Variants in SH3PXD2B observed in about 807,000 individuals in gnomAD.
SH3PXD2B encodes SH3 and PX domain-containing protein 2B.
Under a neutral mutation model 73.1 loss-of-function variants are expected in SH3PXD2B, and 37 were observed. That is an observed-to-expected ratio of 0.51 (90% CI 0.39 to 0.67). The LOEUF (loss-of-function observed/expected upper bound fraction) is 0.67. SH3PXD2B is among the 30% of genes least tolerant of loss of function. SH3PXD2B has a pLI of 0.00. For missense variants in SH3PXD2B, 1,053 were observed against 1,197.8 expected, an observed-to-expected ratio of 0.88 and a Z score of 1.78; for synonymous variants, 457 against 480.5, an observed-to-expected ratio of 0.95 and a Z score of 0.64.
chr5:172,325,420 C>T (rs1181778013), intron 12 of SH3PXD2B: 4 of 1,417,506 alleles, frequency 2.8e-6, no homozygotes, highest in South Asian at 2.5e-5. Flanking sequence ...AATCTTCAGT[C>T]CTTTCCAAAC....
chr5:172,367,443 G>A (rs1757555839), intron 6 of SH3PXD2B, among the ~76,000 whole-genome samples: 1 of 147,508 alleles, frequency 6.8e-6, no homozygotes, highest in African/African-American at 2.5e-5. Context: ...GCCCGGACTG[G>A]TCTTGAACTC....
At chr5:172,402,557 A>G (rs554229110) in intron 3 of SH3PXD2B, among the ~76,000 whole-genome samples, 83 of 152,238 alleles carry the variant, frequency 5.5e-4, no homozygotes, top group African/African-American at 1.9e-3. Flanking sequence ...TGTCTCCCCC[A>G]GACACCAGCT....
intron 7 of SH3PXD2B, among the ~76,000 whole-genome samples, chr5:172,360,880 CTGTTTCA>C (rs1490562843): frequency 1.3e-5 from 2 of 152,148 alleles, no homozygotes; most frequent in Non-Finnish European, 2.9e-5. Context: ...TAGGGTCCAG[CTGTTTCA>C]CTTGTTGGAA....
chr5:172,371,219 C>T (rs1757696398), intron 6 of SH3PXD2B, among the ~76,000 whole-genome samples: 1 of 152,174 alleles, frequency 6.6e-6, no homozygotes, highest in Non-Finnish European at 1.5e-5. Flanking sequence ...TACTGTCAAT[C>T]TTGCTGAAAG....
intron 1 of SH3PXD2B, among the ~76,000 whole-genome samples, chr5:172,441,114 C>A (rs10475578): frequency 0.013 from 1,933 of 152,252 alleles, 34 homozygotes; most frequent in African/African-American, 0.044. Flanking sequence ...AACAGCATCC[C>A]AGGGGCTAGA....
At chr5:172,373,207 A>G (rs1158364509) in intron 6 of SH3PXD2B, among the ~76,000 whole-genome samples, 1 of 152,182 alleles carries the variant, frequency 6.6e-6, no homozygotes, top group Admixed American at 6.5e-5. Flanking sequence ...TCAAATGGAC[A>G]TGGCCCAAAT....
At chr5:172,405,571 A>T (rs997452248) in intron 3 of SH3PXD2B, among the ~76,000 whole-genome samples, 6 of 152,194 alleles carry the variant, frequency 3.9e-5, no homozygotes, top group African/African-American at 1.4e-4. Flanking sequence ...TTGGTCCTAT[A>T]GCTCTGACGA....
chr5:172,385,380 GC>G (rs1188915372), intron 4 of SH3PXD2B, among the ~76,000 whole-genome samples: 1 of 152,160 alleles, frequency 6.6e-6, no homozygotes, highest in Non-Finnish European at 1.5e-5. Context: ...GGGAAGGCTG[GC>G]CCATTTAAGA....
intron 1 of SH3PXD2B, among the ~76,000 whole-genome samples, chr5:172,440,892 G>A (rs916856745): frequency 6.6e-6 from 1 of 152,074 alleles, no homozygotes; most frequent in Admixed American, 6.6e-5. Context: ...CTGTAAAAGG[G>A]GGGTGCTAAG....
At chr5:172,392,433 G>A (rs1038873179) in intron 4 of SH3PXD2B, among the ~76,000 whole-genome samples, 1 of 152,112 alleles carries the variant, frequency 6.6e-6, no homozygotes, top group African/African-American at 2.4e-5. Flanking sequence ...TGCAGCCCTA[G>A]GAAACGAATG....
At chr5:172,440,291 C>G (rs1487697474) in intron 1 of SH3PXD2B, among the ~76,000 whole-genome samples, 5 of 152,220 alleles carry the variant, frequency 3.3e-5, no homozygotes, top group Admixed American at 6.5e-5. Flanking sequence ...TGCACGTCCT[C>G]CTACACAATC....
chr5:172,355,775 A>G (rs979488295), intron 8 of SH3PXD2B, among the ~76,000 whole-genome samples: 1 of 151,608 alleles, frequency 6.6e-6, no homozygotes, highest in South Asian at 2.1e-4. Flanking sequence ...CGATCTCCTG[A>G]CCTCGTGATC....
At position 172,408,534 on chromosome 5, in the gene SH3PXD2B, C is replaced by CTTTTTTTTTTTTT. The variant is rs34377327; in HGVS notation, c.157-2195_157-2183dup. Among the ~76,000 whole-genome samples the CTTTTTTTTTTTTT allele has an allele frequency of 5.0e-4, 46 of 92,656 alleles. 2 individuals carry two copies. Among genetic ancestry groups the CTTTTTTTTTTTTT allele is most frequent in the African/African-American group, 1.1e-3 (22 of 20,026 alleles). 60.8% of individuals were successfully genotyped at this position (92,656 alleles called of 152,430 possible). On this transcript the variant is annotated intron_variant, in intron 2 of 12. Coordinates refer to ENST00000311601, the MANE Select transcript of SH3PXD2B (RefSeq NM_001017995.3). ...TTCTTTTGTGTGCTTTGGGTTATCA[C>CTTTTTTTTTTTTT]TTTTTTTTTTTTTTTTTTTTTGAGA...
At chr5:172,363,610 C>T (rs1757444249) in intron 6 of SH3PXD2B, among the ~76,000 whole-genome samples, 1 of 152,000 alleles carries the variant, frequency 6.6e-6, no homozygotes, top group African/African-American at 2.4e-5. Context: ...AACGCAGGGA[C>T]CCGAGAGAGG....
In SH3PXD2B at chr5:172,335,393, G is replaced by T. The variant is rs1286508057; in HGVS notation, c.*2976C>A. On this transcript the variant is annotated 3_prime_UTR_variant, in exon 13 of 13. Coordinates refer to ENST00000311601, the MANE Select transcript of SH3PXD2B (RefSeq NM_001017995.3). ...CCCTCCGCACACTTCCCTGCTAATG[G>T]CAGAGAAAAGTCATGGACACGAGGG... is the stretch of plus-strand genomic sequence containing the variant. 4.1e-6 allele frequency: 5 copies of T among 1,224,200 alleles called. No homozygotes were observed. The African/African-American group carries it at 6.2e-5, about 15-fold the overall frequency. The allele number at this position is 1,224,200 out of a possible 1,614,324, so 75.8% of individuals were successfully genotyped here. A position where few individuals can be genotyped will look rare whatever the true frequency, so the allele number is the denominator to read the frequency against.
chr5:172,336,107 C>T lies in SH3PXD2B; in HGVS notation c.*2262G>A, dbSNP rs115503927. 872 of 988,070 alleles carry T rather than the reference C, an allele frequency of 8.8e-4. 5 individuals are homozygous for T. In the African/African-American group the frequency reaches 0.011, roughly 13 times the overall value. The allele number at this position is 988,070 out of a possible 1,614,324, so 61.2% of individuals were successfully genotyped here. On this transcript the variant is annotated 3_prime_UTR_variant, in exon 13 of 13. Transcript: ENST00000311601. The stretch of plus-strand genomic sequence containing the variant: ...AAGCTCTTCCAGCCAGGGATGGAGC[C>T]ACACACATCCCAGTCTACTCAGCAC...
At chr5:172,390,712 A>C (rs1392182660) in intron 4 of SH3PXD2B, among the ~76,000 whole-genome samples, 1 of 152,246 alleles carries the variant, frequency 6.6e-6, no homozygotes, top group Non-Finnish European at 1.5e-5. Context: ...TTGTGTGGAC[A>C]CAAGTTTTCA....
At chr5:172,437,608 C>G (rs979186020) in intron 1 of SH3PXD2B, among the ~76,000 whole-genome samples, 1 of 152,262 alleles carries the variant, frequency 6.6e-6, no homozygotes, top group Non-Finnish European at 1.5e-5. Context: ...CCCACGTCAG[C>G]GCCAGGAATC....
At chr5:172,453,384 T>C (rs1249899364) in intron 1 of SH3PXD2B, among the ~76,000 whole-genome samples, 1 of 152,054 alleles carries the variant, frequency 6.6e-6, no homozygotes, top group East Asian at 1.9e-4. Flanking sequence ...CCACATCCCC[T>C]TTATCTCCAC....
Sources: gnomAD v4.1 joint callset for allele counts (sites outside exome capture counted in the v4.1 genomes callset) on GRCh38, gnomAD v4.1.1 for gene constraint, MANE v1.5 for transcripts, NCBI Gene and HGNC (gene_info 2026-07-23, HGNC 2026-07-21) for gene names.